Variants in ADAMTS16 observed in about 807,000 individuals in gnomAD.
The protein encoded by ADAMTS16 is ADAM metallopeptidase with thrombospondin type 1 motif 16, also known as A disintegrin and metalloproteinase with thrombospondin motifs 16.
ADAMTS16 carries 94 observed loss-of-function variants against 145.8 expected under a neutral mutation model. The observed-to-expected ratio is 0.64, with a 90% CI of 0.55 to 0.77. ADAMTS16 has a LOEUF of 0.77. Among genes scored for constraint, ADAMTS16 ranks in the 30% least tolerant of loss-of-function variants. The pLI, the probability that ADAMTS16 is intolerant of heterozygous loss-of-function variation, is 0.00. For missense variants in ADAMTS16, 1,585 were observed against 1,591.5 expected, an observed-to-expected ratio of 1.00 and a Z score of 0.07; for synonymous variants, 659 against 604.3, an observed-to-expected ratio of 1.09 and a Z score of -1.33.
Position 5,262,759 on chromosome 5 carries a change from G to A in ADAMTS16, c.2765G>A (p.Cys922Tyr). 6.2e-7 allele frequency: 1 copy of A among 1,614,180 alleles called. No homozygotes were observed. The highest frequency in any genetic ancestry group is 8.5e-7 in the Non-Finnish European group (1 of 1,180,030). The change falls in exon 18 of 23, where the codon TGC (cysteine) becomes TAC (tyrosine). Residue 922 changes from cysteine to tyrosine, a missense_variant. Cys to Tyr is a radical substitution (Grantham distance 194). This residue lies in a region of ADAMTS16 where 834 missense variants were observed against 811.7 expected (regional missense o/e 1.03). Coordinates refer to ENST00000274181, the MANE Select transcript of ADAMTS16 (RefSeq NM_139056.4). ...KTRPVTGLVP[C>Y]KVSACPPSWS... ...CGACCTGTCACGGGGCTGGTGCCTT[G>A]CAAAGTATCTGCCTGTCCTCCCAGG...
At chr5:5,200,609 A>G (rs1187240273) in intron 9 of ADAMTS16, among the ~76,000 whole-genome samples, 2 of 152,222 alleles carry the variant, frequency 1.3e-5, no homozygotes, top group African/African-American at 4.8e-5. Flanking sequence ...AAGATCGTAC[A>G]TGTACACATC....
chr5:5,285,277 A>C (rs1739063602), intron 18 of ADAMTS16, among the ~76,000 whole-genome samples: 1 of 152,258 alleles, frequency 6.6e-6, no homozygotes, highest in African/African-American at 2.4e-5. Context: ...TCTCTCTGAA[A>C]ACCATGCTGC....
At chr5:5,182,627 T>C (rs554679253) in intron 4 of ADAMTS16, among the ~76,000 whole-genome samples, 12 of 152,304 alleles carry the variant, frequency 7.9e-5, no homozygotes, top group African/African-American at 2.4e-4. Flanking sequence ...TACTCAGTCA[T>C]TCTATATTTT....
Position 5,164,608 on chromosome 5 carries a change from C to T in ADAMTS16, c.502-17436C>T, listed in dbSNP as rs113449601. On this transcript the variant is annotated intron_variant, in intron 3 of 22. Transcript: ENST00000274181. ...TGGAGGAAGTGTCTGGAGTAGGAGCCCGCCAGCCCTGGGCTCACCGTGTCC... is the reference window on the plus strand; with the variant it reads ...TGGAGGAAGTGTCTGGAGTAGGAGCTCGCCAGCCCTGGGCTCACCGTGTCC... Among the ~76,000 whole-genome samples the T allele has an allele frequency of 9.2e-4, 140 of 152,332 alleles. 1 individual carries two copies. The Middle Eastern group carries it at 0.017, about 19-fold the overall frequency.
chr5:5,225,601 CAA>C (rs1256541960), intron 11 of ADAMTS16, among the ~76,000 whole-genome samples: 3 of 80,276 alleles, frequency 3.7e-5, no homozygotes, highest in Admixed American at 1.4e-4. Context: ...GACTTGGTTT[CAA>C]AAAAAAAAAA....
chr5:5,206,369 T>A (rs974498128), intron 9 of ADAMTS16, among the ~76,000 whole-genome samples: 1 of 102,482 alleles, frequency 9.8e-6, no homozygotes, highest in East Asian at 3.3e-4. Context: ...GAGCTTGCAG[T>A]GAGCCGAGAT....
intron 11 of ADAMTS16, among the ~76,000 whole-genome samples, chr5:5,226,545 G>A (rs1435245083): frequency 6.6e-6 from 1 of 152,050 alleles, no homozygotes; most frequent in African/African-American, 2.4e-5. Context: ...AGACATCCAA[G>A]TCTCACGTAA....
rs570551038 is a variant in ADAMTS16, at chr5:5,177,862, CATGAATA to C, written c.502-4181_502-4175del. ...ACTGTGTTTATTGATAGGTGGCTCT[CATGAATA>C]GGGCGCATGGCGTCACCTGAGACAC... On this transcript the variant is annotated intron_variant, in intron 3 of 22. Coordinates refer to ENST00000274181, the MANE Select transcript of ADAMTS16 (RefSeq NM_139056.4). 4.8e-3 allele frequency among the ~76,000 whole-genome samples: 727 copies of C among 152,282 alleles called. 3 individuals carry two copies. The highest frequency in any genetic ancestry group is 0.01 in the Middle Eastern group (3 of 294).
chr5:5,203,374 A>C (rs80289098), intron 9 of ADAMTS16, among the ~76,000 whole-genome samples: 3,167 of 152,318 alleles, frequency 0.021, 117 homozygotes, highest in African/African-American at 0.071. Context: ...AGTAATCAAA[A>C]TACTGTTATA....
At chr5:5,216,148 A>C (rs1736434207) in intron 10 of ADAMTS16, among the ~76,000 whole-genome samples, 1 of 151,954 alleles carries the variant, frequency 6.6e-6, no homozygotes, top group African/African-American at 2.4e-5. Context: ...ACTGGTTTAC[A>C]TTCCCACCAG....
At position 5,148,005 on chromosome 5, in the gene ADAMTS16, C is replaced by G. The variant is rs529056779; in HGVS notation, c.501+1550C>G. ...TTGCAGTAGCTTGAAATTTCTGGCT[C>G]TTTTTGAGCTTGATCAGAGTTAACA... is the stretch of plus-strand genomic sequence containing the variant. On this transcript the variant is annotated intron_variant, in intron 3 of 22. Coordinates refer to ENST00000274181, the MANE Select transcript of ADAMTS16 (RefSeq NM_139056.4). Among the ~76,000 whole-genome samples the G allele has an allele frequency of 4.6e-5, 7 of 152,224 alleles. No individual in the cohort carries two copies. The South Asian group carries it at 1.2e-3, about 27-fold the overall frequency.
chr5:5,153,669 T>A (rs1325029715), intron 3 of ADAMTS16, among the ~76,000 whole-genome samples: 1 of 152,320 alleles, frequency 6.6e-6, no homozygotes, highest in East Asian at 1.9e-4. Flanking sequence ...TGTTTAAAAA[T>A]GTTTTCTGTT....
intron 22 of ADAMTS16, 133 bp from the exon 23 acceptor site, chr5:5,318,890 C>A: frequency 1.5e-6 from 1 of 662,744 alleles, no homozygotes; most frequent in Non-Finnish European, 2.7e-6. Flanking sequence ...CCCCATCAGA[C>A]CTGGGGGCTG....
chr5:5,185,110 T>C (rs1431877377), intron 4 of ADAMTS16, among the ~76,000 whole-genome samples: 2 of 152,146 alleles, frequency 1.3e-5, no homozygotes, highest in Non-Finnish European at 1.5e-5. Context: ...GCATAAACAT[T>C]AATGGCAAAT....
Position 5,222,976 on chromosome 5 carries a change from CAT to C in ADAMTS16, c.1701+93_1701+94del, listed in dbSNP as rs1460136738. 10 of 1,137,510 alleles carry C rather than the reference CAT, an allele frequency of 8.8e-6. No homozygotes were observed. The Middle Eastern group carries it at 9.6e-4, about 110-fold the overall frequency. The allele number at this position is 1,137,510 out of a possible 1,614,324, so 70.5% of individuals were successfully genotyped here. A position where few individuals can be genotyped will look rare whatever the true frequency, so the allele number is the denominator to read the frequency against. On this transcript the variant is annotated intron_variant, in intron 11 of 22. Coordinates refer to ENST00000274181, the MANE Select transcript of ADAMTS16 (RefSeq NM_139056.4). Reference sequence around the variant, plus strand: ...TCCTCTTGCATAGGTATTTTTAAAACATGTATTTCTCATATACATATGCATAC... The same window carrying C: ...TCCTCTTGCATAGGTATTTTTAAAACGTATTTCTCATATACATATGCATAC...
rs189584889 is a variant in ADAMTS16 at position 5,225,534 on chromosome 5, G to A, written c.1701+2650G>A. On this transcript the variant is annotated intron_variant, in intron 11 of 22. Transcript: ENST00000274181. Reference sequence around the variant, plus strand: ...AGGAGAATAACTTGAACCCGGAGACGGAGGTTGCAGTGAGCTGAGATCATG... The same window carrying A: ...AGGAGAATAACTTGAACCCGGAGACAGAGGTTGCAGTGAGCTGAGATCATG... Among the ~76,000 whole-genome samples the A allele has an allele frequency of 6.5e-3, 984 of 152,078 alleles. 9 individuals carry two copies. Among genetic ancestry groups the A allele is most frequent in the African/African-American group, 0.022 (913 of 41,478 alleles).
intron 18 of ADAMTS16, among the ~76,000 whole-genome samples, chr5:5,289,922 T>C (rs1000228682): frequency 1.3e-5 from 2 of 152,168 alleles, no homozygotes; most frequent in African/African-American, 4.8e-5. Flanking sequence ...TGTCTCTACA[T>C]CACCTTTCAA....
chr5:5,195,216 T>A (rs1300513596), intron 8 of ADAMTS16, among the ~76,000 whole-genome samples: 1 of 152,180 alleles, frequency 6.6e-6, no homozygotes, highest in Non-Finnish European at 1.5e-5. Context: ...GAATCAGGAT[T>A]TGTATTAAGC....
intron 3 of ADAMTS16, among the ~76,000 whole-genome samples, chr5:5,162,770 GA>G (rs1254833706): frequency 1.3e-5 from 2 of 151,680 alleles, no homozygotes; most frequent in African/African-American, 4.8e-5. Context: ...GAGAGGAGAG[GA>G]GAGGAGAGGA....
Sources: gnomAD v4.1 joint callset for allele counts (sites outside exome capture counted in the v4.1 genomes callset) on GRCh38, gnomAD v4.1.1 for gene constraint, gnomAD v4.1.1 regional missense constraint, MANE v1.5 for transcripts, NCBI Gene and HGNC (gene_info 2026-07-23, HGNC 2026-07-21) for gene names.